Variants in CSRNP3 observed in about 807,000 individuals in gnomAD.
The protein encoded by CSRNP3 is cysteine/serine-rich nuclear protein 3.
CSRNP3 carries 12 observed loss-of-function variants against 48.0 expected under a neutral mutation model. That is an observed-to-expected ratio of 0.25 (90% CI 0.16 to 0.41). CSRNP3 has a LOEUF of 0.41. CSRNP3 is among the 10% of genes least tolerant of loss of function. CSRNP3 has a pLI of 1.00. For missense variants in CSRNP3, 580 were observed against 724.4 expected (o/e 0.80, Z 2.29); for synonymous variants, 263 against 269.7 (o/e 0.98, Z 0.24).
intron 1 of CSRNP3, among the ~76,000 whole-genome samples, chr2:165,478,107 C>CT (rs1683992991): frequency 6.6e-6 from 1 of 152,160 alleles, no homozygotes; most frequent in Non-Finnish European, 1.5e-5. Flanking sequence ...CCTACTTCAT[C>CT]ATAGACCCCT....
intron 5 of CSRNP3, among the ~76,000 whole-genome samples, chr2:165,666,119 GAGAA>G (rs1387236320): frequency 8.6e-5 from 11 of 128,650 alleles, no homozygotes; most frequent in African/African-American, 1.1e-4. Context: ...GAAAGAGAGA[GAGAA>G]AGGAAGGAAG....
At chr2:165,608,091 T>C (rs1226948819) in intron 4 of CSRNP3, among the ~76,000 whole-genome samples, 1 of 150,838 alleles carries the variant, frequency 6.6e-6, no homozygotes. Flanking sequence ...ATTATATATA[T>C]ATACATAAGT....
rs1485552647 is a variant in CSRNP3 at position 165,625,902 on chromosome 2, A to ACCTGGGCAAAAGAGTG, written c.148+30689_148+30690insCCTGGGCAAAAGAGTG. Among the ~76,000 whole-genome samples, 5 of 145,306 alleles carry ACCTGGGCAAAAGAGTG rather than the reference A, an allele frequency of 3.4e-5. No individual in the cohort carries two copies. In the East Asian group the frequency reaches 8.0e-4, roughly 23 times the overall value. On this transcript the variant is annotated intron_variant, in intron 4 of 6. Transcript: ENST00000651982. ...GCCGAGATCACACCACTGCACTCCA[A>ACCTGGGCAAAAGAGTG]AACTCCATCTCAAAAAAAAAAAAAG...
At chr2:165,619,713 C>T (rs1249026950) in intron 4 of CSRNP3, among the ~76,000 whole-genome samples, 3 of 152,106 alleles carry the variant, frequency 2.0e-5, no homozygotes, top group African/African-American at 7.2e-5. Context: ...AGGTTTTAAC[C>T]TGGTATATTT....
At chr2:165,652,060 G>A (rs1686920132) in intron 4 of CSRNP3, among the ~76,000 whole-genome samples, 1 of 152,180 alleles carries the variant, frequency 6.6e-6, no homozygotes, top group Non-Finnish European at 1.5e-5. Flanking sequence ...TCTACTATAT[G>A]TGAACATTTT....
intron 1 of CSRNP3, among the ~76,000 whole-genome samples, chr2:165,479,499 T>C (rs994889779): frequency 1.9e-4 from 29 of 152,326 alleles, no homozygotes; most frequent in African/African-American, 7.0e-4. Context: ...CTATCTTATA[T>C]GGCTATGGAG....
intron 2 of CSRNP3, among the ~76,000 whole-genome samples, chr2:165,515,334 A>ATAC (rs1553471999): frequency 2.6e-3 from 305 of 118,994 alleles, no homozygotes; most frequent in African/African-American, 7.9e-3. Context: ...AAAAAAAAAA[A>ATAC]ATACATATAT....
chr2:165,621,687 C>T (rs1686342674), intron 4 of CSRNP3, among the ~76,000 whole-genome samples: 1 of 152,062 alleles, frequency 6.6e-6, no homozygotes, highest in Non-Finnish European at 1.5e-5. Flanking sequence ...TTATCCCTTT[C>T]TATTTGTTGT....
At chr2:165,612,553 A>G (rs1182511581) in intron 4 of CSRNP3, among the ~76,000 whole-genome samples, 2 of 151,974 alleles carry the variant, frequency 1.3e-5, no homozygotes, top group East Asian at 3.9e-4. Flanking sequence ...TTATCTATTC[A>G]TCAACGTCTT....
intron 3 of CSRNP3, among the ~76,000 whole-genome samples, chr2:165,520,498 A>C (rs920282843): frequency 3.3e-5 from 5 of 152,084 alleles, no homozygotes; most frequent in Non-Finnish European, 7.4e-5. Context: ...TGAATTAAAT[A>C]TCTGGCCATG....
chr2:165,679,018 G>C lies in CSRNP3; in HGVS notation c.1023G>C (p.Glu341Asp). ...QSAEELDCQG[E>D]EEEEEEDGSS... ...CTGAAGAATTAGATTGCCAAGGAGA[G>C]GAGGAGGAAGAAGAGGAGGATGGGA... The change falls in exon 7 of 7, where the codon GAG becomes GAC. Residue 341 changes from glutamate to aspartate, a missense_variant. Transcript: ENST00000651982. The C allele has an allele frequency of 6.2e-7, 1 of 1,613,974 alleles. No individual in the cohort carries two copies. The highest frequency in any genetic ancestry group is 8.5e-7 in the Non-Finnish European group (1 of 1,179,998).
intron 3 of CSRNP3, among the ~76,000 whole-genome samples, chr2:165,560,444 A>G (rs1325145653): frequency 6.6e-6 from 1 of 152,150 alleles, no homozygotes; most frequent in Non-Finnish European, 1.5e-5. Context: ...TATCATGAAC[A>G]ATCCTTATTC....
At chr2:165,560,990 A>T (rs573845599) in intron 3 of CSRNP3, among the ~76,000 whole-genome samples, 10 of 152,320 alleles carry the variant, frequency 6.6e-5, no homozygotes, top group African/African-American at 2.4e-4. Context: ...CCACTTTTGC[A>T]TAGTGGATTT....
chr2:165,559,206 G>A (rs539184376), intron 3 of CSRNP3, among the ~76,000 whole-genome samples: 6 of 152,184 alleles, frequency 3.9e-5, no homozygotes, highest in Middle Eastern at 3.4e-3. Flanking sequence ...CAAAATTTTG[G>A]TTCATTGCTA....
chr2:165,505,351 G>C (rs1446332756), intron 2 of CSRNP3, among the ~76,000 whole-genome samples: 3 of 152,064 alleles, frequency 2.0e-5, no homozygotes, highest in Non-Finnish European at 4.4e-5. Flanking sequence ...AAAACATTAG[G>C]TTTCAGGAGG....
intron 2 of CSRNP3, among the ~76,000 whole-genome samples, chr2:165,509,326 G>A (rs931184145): frequency 1.3e-5 from 2 of 152,202 alleles, no homozygotes; most frequent in Non-Finnish European, 2.9e-5. Context: ...CATGTAATAT[G>A]TGGGGTAGGA....
chr2:165,561,156 A>C (rs1282541834), intron 3 of CSRNP3, among the ~76,000 whole-genome samples: 1 of 152,224 alleles, frequency 6.6e-6, no homozygotes, highest in Non-Finnish European at 1.5e-5. Flanking sequence ...AAGTCAGAAT[A>C]CTTGAGTTGA....
chr2:165,660,101 G>T (rs1254792381), intron 5 of CSRNP3, among the ~76,000 whole-genome samples: 1 of 152,086 alleles, frequency 6.6e-6, no homozygotes, highest in Non-Finnish European at 1.5e-5. Flanking sequence ...TCTCAGATTT[G>T]CTTCTCTTCT....
chr2:165,675,786 G>T (rs896195671), intron 5 of CSRNP3, among the ~76,000 whole-genome samples: 1 of 152,176 alleles, frequency 6.6e-6, no homozygotes, highest in Non-Finnish European at 1.5e-5. Context: ...AATCATATTT[G>T]TAATCCCTGT....
Sources: allele counts gnomAD v4.1 joint callset (sites outside exome capture counted in the v4.1 genomes callset), GRCh38; gene constraint gnomAD v4.1.1; transcripts MANE v1.5; gene names NCBI Gene and HGNC (gene_info 2026-07-23, HGNC 2026-07-21).